The following MYCBP2 variants were observed in gnomAD, a reference collection of about 807,000 sequenced individuals.
The protein encoded by MYCBP2 is MYC binding protein 2.
MYCBP2 carries 120 observed loss-of-function variants against 525.3 expected under a neutral mutation model. That is an observed-to-expected ratio of 0.23 (90% CI 0.20 to 0.27). MYCBP2 has a LOEUF of 0.27. Among genes scored for constraint, MYCBP2 ranks in the 10% least tolerant of loss-of-function variants. The pLI is 1.00. For missense variants in MYCBP2, 4,149 were observed against 5,657.1 expected (o/e 0.73, Z 8.55); for synonymous variants, 1,894 against 1,955.8 (o/e 0.97, Z 0.83).
intron 26 of MYCBP2, among the ~76,000 whole-genome samples, chr13:77,202,297 T>C (rs1471588266): frequency 6.6e-6 from 1 of 151,916 alleles, no homozygotes; most frequent in Non-Finnish European, 1.5e-5. Context: ...CTAGAAGAAA[T>C]GGATAAGGGA....
At position 77,326,628 on chromosome 13, in the gene MYCBP2, C is replaced by G; in HGVS notation, c.148G>C (p.Gly50Arg). ...PVPDGSVAAA[G>R]LGLGLPAADS... ...GCGGCGGGTAGCCCCAGCCCCAGCC[C>G]CGCAGCAGCCACGGAGCCGTCGGGA... The change falls in exon 1 of 83, where the codon GGG becomes CGG. Residue 50 changes from glycine (G) to arginine (R), a missense_variant. Around this residue, in one of 21 missense-constraint regions of MYCBP2, gnomAD observed 413 missense variants for 451.2 expected, o/e 0.92. Transcript: ENST00000544440. This position sits in a 1 kb window ranked among gnomAD's most constrained non-coding sequence, Gnocchi z 4.2. The G allele has an allele frequency of 6.4e-7, 1 of 1,559,240 alleles. No individual in the cohort carries two copies. Among genetic ancestry groups the G allele is most frequent in the Non-Finnish European group, 8.6e-7 (1 of 1,156,340 alleles).
intron 15 of MYCBP2, 106 bp downstream of exon 15, chr13:77,251,045 C>A: frequency 1.1e-6 from 1 of 877,214 alleles, no homozygotes; most frequent in Non-Finnish European, 1.7e-6. Flanking sequence ...GTGAAGATGC[C>A]ACTGGTCTTT....
chr13:77,212,594 T>A (rs2064175433), intron 21 of MYCBP2, among the ~76,000 whole-genome samples: 1 of 152,156 alleles, frequency 6.6e-6, no homozygotes, highest in Admixed American at 6.5e-5. Context: ...TCTGAGAATA[T>A]CCATGTAAAA....
chr13:77,258,569 A>G (rs2072656428), intron 13 of MYCBP2, among the ~76,000 whole-genome samples: 1 of 152,112 alleles, frequency 6.6e-6, no homozygotes, highest in African/African-American at 2.4e-5. Context: ...CTTTGGGAAA[A>G]CTGTTCTACA....
In MYCBP2 at chr13:77,189,023, A is replaced by G; in HGVS notation, c.4179T>C (p.Ala1393=). The G allele has an allele frequency of 6.2e-7, 1 of 1,610,918 alleles. No individual in the cohort carries two copies. Among genetic ancestry groups the G allele is most frequent in the Non-Finnish European group, 8.5e-7 (1 of 1,178,642 alleles). Reference sequence around the variant, plus strand: ...CACTGGTTTGCTGTTTGCCTTTTGAAGCACTGCCATCACTGGTTGGAAGTC... The same window carrying G: ...CACTGGTTTGCTGTTTGCCTTTTGAGGCACTGCCATCACTGGTTGGAAGTC... ...LYRLPTSDGS[A]SKGKQQTSEP... The change falls in exon 30 of 83, where the codon GCT becomes GCC. Residue 1393 remains alanine, a synonymous_variant. Coordinates refer to ENST00000544440, the MANE Select transcript of MYCBP2 (RefSeq NM_015057.5).
rs1335317866 is a variant in MYCBP2, at chr13:77,175,992, G to GAAACA, written c.5472+500_5472+504dup. 6.5e-4 allele frequency among the ~76,000 whole-genome samples: 93 copies of GAAACA among 142,806 alleles called. 2 individuals are homozygous for GAAACA. The East Asian group carries it at 0.015, about 23-fold the overall frequency. 93.7% of individuals were successfully genotyped at this position (142,806 alleles called of 152,430 possible). On this transcript the variant is annotated intron_variant, in intron 36 of 82. Coordinates refer to ENST00000544440, the MANE Select transcript of MYCBP2 (RefSeq NM_015057.5). ...ATAATAATAATTAAAAAAAAATAAAGAAACAAAACAAAACAAAACAAAAAC... is the reference window on the plus strand; with the variant it reads ...ATAATAATAATTAAAAAAAAATAAAGAAACAAAACAAAACAAAACAAAACAAAAAC...
At chr13:77,206,409 A>G (rs1411323577) in intron 24 of MYCBP2, among the ~76,000 whole-genome samples, 1 of 151,778 alleles carries the variant, frequency 6.6e-6, no homozygotes. Context: ...CAAAAACATT[A>G]TTTTTAAGGG....
rs548842267 is a variant in MYCBP2, at chr13:77,199,706, G to C, written c.3844-5462C>G. 1.7e-3 allele frequency among the ~76,000 whole-genome samples: 254 copies of C among 152,356 alleles called. 1 individual carries two copies. The highest frequency in any genetic ancestry group is 3.4e-3 in the Middle Eastern group (1 of 294). ...ACAGCTGGAGATCTGAGAAAGGGCA[G>C]ACTGCCTCCTCAAGTGGGTCCCTGA... is the stretch of plus-strand genomic sequence containing the variant. On this transcript the variant is annotated intron_variant, in intron 26 of 82. Coordinates refer to ENST00000544440, the MANE Select transcript of MYCBP2 (RefSeq NM_015057.5).
intron 44 of MYCBP2, among the ~76,000 whole-genome samples, chr13:77,159,341 A>ATC (rs1236661230): frequency 4.6e-5 from 7 of 152,338 alleles, no homozygotes; most frequent in Admixed American, 4.6e-4. Flanking sequence ...GATTATCAGA[A>ATC]TAACTACCTT....
intron 82 of MYCBP2, among the ~76,000 whole-genome samples, chr13:77,045,729 C>A (rs1235684900): frequency 6.6e-6 from 1 of 152,130 alleles, no homozygotes; most frequent in Non-Finnish European, 1.5e-5. Flanking sequence ...CTCACTATAT[C>A]CTGCCTAGAG....
chr13:77,292,885 A>G (rs1356313847), intron 2 of MYCBP2, among the ~76,000 whole-genome samples: 4 of 144,240 alleles, frequency 2.8e-5, no homozygotes, highest in Non-Finnish European at 6.0e-5. Context: ...TGAACCCAGG[A>G]GGTAGAAGCT....
At chr13:77,250,148 G>A (rs956190242) in intron 15 of MYCBP2, among the ~76,000 whole-genome samples, 8 of 151,452 alleles carry the variant, frequency 5.3e-5, no homozygotes, top group Middle Eastern at 3.4e-3. Context: ...GCGTGAACCC[G>A]GGAGGCGGAG....
intron 8 of MYCBP2, among the ~76,000 whole-genome samples, chr13:77,264,831 T>C (rs1258935962): frequency 6.6e-6 from 1 of 151,844 alleles, no homozygotes; most frequent in Non-Finnish European, 1.5e-5. Flanking sequence ...AATTCTGTCC[T>C]TTTGGAAAAA....
intron 17 of MYCBP2, among the ~76,000 whole-genome samples, chr13:77,233,917 T>C (rs1324500413): frequency 6.6e-6 from 1 of 151,830 alleles, no homozygotes; most frequent in African/African-American, 2.4e-5. Flanking sequence ...GGGCTTTATA[T>C]TGATGGTAAA....
intron 23 of MYCBP2, among the ~76,000 whole-genome samples, chr13:77,210,234 C>G (rs2063817465): frequency 6.6e-6 from 1 of 150,844 alleles, no homozygotes; most frequent in African/African-American, 2.4e-5. Flanking sequence ...AGAGTCTCGC[C>G]CAGGCTGGAG....
chr13:77,188,325 C>T (rs183414062), intron 30 of MYCBP2, among the ~76,000 whole-genome samples: 280 of 152,214 alleles, frequency 1.8e-3, no homozygotes, highest in Middle Eastern at 3.4e-3. Context: ...TCAGATGGTG[C>T]CTTACAGTTC....
Position 77,140,905 on chromosome 13 carries a change from C to T in MYCBP2, c.7342G>A (p.Gly2448Arg), listed in dbSNP as rs1428720099. 4 of 1,612,236 alleles carry T rather than the reference C, an allele frequency of 2.5e-6. No homozygotes were observed. The Admixed American group carries it at 6.7e-5, about 27-fold the overall frequency. Residue 2448 changes from glycine (G) to arginine (R), a missense_variant, in exon 50 of 83, where the codon GGG (glycine) becomes AGG (arginine). Transcript: ENST00000544440. ...AACTGAGTTCCTGGTGGTATCATCC[C>T]TTTTGGTGGGTCTTTTACTTTTACT... ...LEVKVKDPPKGMIPPGTQLVK... is the reference protein window; with the variant it reads ...LEVKVKDPPKRMIPPGTQLVK...
At chr13:77,189,085 G>A (rs1448062193) in intron 29 of MYCBP2, 38 bp from the exon 30 acceptor site, 6 of 1,403,868 alleles carry the variant, frequency 4.3e-6, no homozygotes, top group Non-Finnish European at 5.8e-6. Flanking sequence ...ATGTTAGAAA[G>A]TCCAATGTCA....
chr13:77,296,746 G>A (rs1168314484), intron 1 of MYCBP2, 72 bp from the exon 2 acceptor site: 22 of 1,140,902 alleles, frequency 1.9e-5, no homozygotes, highest in Non-Finnish European at 2.1e-5. Flanking sequence ...ATCAAAAATG[G>A]GTATTTCCAA....
Sources: gnomAD v4.1 joint callset for allele counts (sites outside exome capture counted in the v4.1 genomes callset) on GRCh38, gnomAD v4.1.1 for gene constraint, gnomAD v4.1.1 regional missense constraint, Gnocchi (gnomAD v3.1) non-coding constraint, MANE v1.5 for transcripts, NCBI Gene and HGNC (gene_info 2026-07-23, HGNC 2026-07-21) for gene names.